Variants in MBTPS1 observed in about 807,000 individuals in gnomAD.
The protein encoded by MBTPS1 is membrane bound transcription factor peptidase, site 1, also known as membrane-bound transcription factor site-1 protease.
Under a neutral mutation model 127.8 loss-of-function variants are expected in MBTPS1, and 94 were observed. The ratio of observed to expected loss-of-function variants is 0.74; its 90% CI spans 0.62 to 0.87. The LOEUF (loss-of-function observed/expected upper bound fraction) is 0.87, where lower values mean the gene tolerates loss of function less well. MBTPS1 is among the 40% of genes least tolerant of loss of function. MBTPS1 has a pLI of 0.00. For synonymous variants in MBTPS1, 632 were observed against 509.4 expected, an observed-to-expected ratio of 1.24 and a Z score of -3.24; for missense variants, 1,636 against 1,353.2, an observed-to-expected ratio of 1.21 and a Z score of -3.28.
rs762860740 is a variant in MBTPS1 at position 84,099,336 on chromosome 16, A to G, written c.164-26T>C. On this transcript the variant is annotated intron_variant, in intron 2 of 22. Transcript: ENST00000343411. ...CTGAAACCAATCACCACAAACAAAA[A>G]TAAGATTTACGCACATACATTATAA... 1.9e-6 allele frequency: 3 copies of G among 1,608,566 alleles called. No individual in the cohort carries two copies. The African/African-American group carries it at 4.0e-5, about 22-fold the overall frequency.
chr16:84,115,744 T>A (rs1312915296), intron 1 of MBTPS1, among the ~76,000 whole-genome samples: 2 of 152,182 alleles, frequency 1.3e-5, no homozygotes, highest in Non-Finnish European at 2.9e-5. Context: ...GGGCATTGAC[T>A]ACAACTGGGC....
chr16:84,056,387 G>C, intron 21 of MBTPS1: 1 of 382,416 alleles, frequency 2.6e-6, no homozygotes, highest in Non-Finnish European at 4.8e-6. Flanking sequence ...TGACCAGCAG[G>C]AGCCTGTTTT....
intron 6 of MBTPS1, 88 bp downstream of exon 6, chr16:84,093,099 CT>C: frequency 1.1e-6 from 1 of 896,090 alleles, no homozygotes; most frequent in East Asian, 2.4e-5. Context: ...ACGTGCACTC[CT>C]TTTACACAAG....
intron 1 of MBTPS1, among the ~76,000 whole-genome samples, chr16:84,103,017 C>T (rs3785028): frequency 0.27 from 40,413 of 152,000 alleles, 5,521 homozygotes; most frequent in African/African-American, 0.32. Context: ...AAAAATGTCA[C>T]CTGAATATTA....
chr16:84,076,923 C>T (rs2085862029), intron 11 of MBTPS1, among the ~76,000 whole-genome samples: 1 of 152,066 alleles, frequency 6.6e-6, no homozygotes, highest in Admixed American at 6.5e-5. Context: ...AGAAAACAAA[C>T]ATGCAAGAAT....
chr16:84,105,599 G>C (rs2086312645), intron 1 of MBTPS1, among the ~76,000 whole-genome samples: 1 of 152,194 alleles, frequency 6.6e-6, no homozygotes. Context: ...GGAAGACACA[G>C]ATGTGCACAA....
chr16:84,072,969 G>C (rs1467904469), intron 12 of MBTPS1, among the ~76,000 whole-genome samples: 1 of 152,020 alleles, frequency 6.6e-6, no homozygotes, highest in African/African-American at 2.4e-5. Context: ...TTTATGTTAA[G>C]GAAATAATTC....
At chr16:84,110,993 A>C (rs1173423687) in intron 1 of MBTPS1, 1 of 152,292 alleles carries the variant, frequency 6.6e-6, no homozygotes, top group East Asian at 1.9e-4. Context: ...AACGCCACGC[A>C]GCAATTTCAA....
intron 20 of MBTPS1, chr16:84,060,305 G>T (rs766379765): frequency 4.1e-5 from 7 of 170,314 alleles, no homozygotes; most frequent in Non-Finnish European, 6.3e-5. Context: ...GGTAATCCAT[G>T]GGAGCATCCC....
At chr16:84,113,138 C>CCAG (rs1324854710) in intron 1 of MBTPS1, among the ~76,000 whole-genome samples, 1 of 152,110 alleles carries the variant, frequency 6.6e-6, no homozygotes, top group East Asian at 1.9e-4. Context: ...CAGCTACTTG[C>CCAG]CAGCCTAAGG....
At chr16:84,081,108 A>G (rs1305176679) in intron 11 of MBTPS1, among the ~76,000 whole-genome samples, 1 of 152,250 alleles carries the variant, frequency 6.6e-6, no homozygotes, top group Non-Finnish European at 1.5e-5. Context: ...GCAGTGCTAC[A>G]TCAAGGTTCA....
At chr16:84,063,233 C>G in intron 19 of MBTPS1, 72 bp downstream of exon 19, 1 of 1,515,194 alleles carries the variant, frequency 6.6e-7, no homozygotes, top group Non-Finnish European at 9.1e-7. Context: ...ATCTCACGGG[C>G]GCCTTTCCAG....
intron 1 of MBTPS1, among the ~76,000 whole-genome samples, chr16:84,106,760 C>A (rs1216732466): frequency 6.6e-6 from 1 of 152,204 alleles, no homozygotes; most frequent in Admixed American, 6.5e-5. Flanking sequence ...CAGGGAGCAT[C>A]TGGAGGACTT....
chr16:84,063,865 T>A (rs1012890836), intron 18 of MBTPS1, among the ~76,000 whole-genome samples: 1 of 152,206 alleles, frequency 6.6e-6, no homozygotes, highest in Non-Finnish European at 1.5e-5. Context: ...TCTCTATGAA[T>A]ACAGTCATAT....
At chr16:84,099,373 T>G (rs977144813) in intron 2 of MBTPS1, 63 bp from the exon 3 acceptor site, 1 of 1,484,774 alleles carries the variant, frequency 6.7e-7, no homozygotes, top group Non-Finnish European at 9.1e-7. Context: ...ATATACTATA[T>G]TGTATCTAAT....
At chr16:84,092,486 A>G (rs2086123140) in intron 6 of MBTPS1, among the ~76,000 whole-genome samples, 2 of 152,200 alleles carry the variant, frequency 1.3e-5, no homozygotes, top group South Asian at 2.1e-4. Context: ...ATTTTCTCAT[A>G]TACACCAAAG....
chr16:84,063,167 G>C, intron 19 of MBTPS1, 138 bp downstream of exon 19: 1 of 847,546 alleles, frequency 1.2e-6, no homozygotes, highest in East Asian at 2.5e-5. Context: ...CAAAGTGACT[G>C]CAACATCTCC....
In MBTPS1 at chr16:84,091,920, T is replaced by C. The variant is rs77381640; in HGVS notation, c.847-72A>G. ...AAAGTGCTAGGACAGTTTTTATTTCTAAGGCTCTTTTAAAATTACAAGTAG... is the reference window on the plus strand; with the variant it reads ...AAAGTGCTAGGACAGTTTTTATTTCCAAGGCTCTTTTAAAATTACAAGTAG... On this transcript the variant is annotated intron_variant, in intron 6 of 22. Transcript: ENST00000343411. The C allele has an allele frequency of 1.6e-5, 14 of 869,486 alleles. No homozygotes were observed. In the African/African-American group the frequency reaches 2.2e-4, roughly 14 times the overall value. 53.9% of individuals were successfully genotyped at this position (869,486 alleles called of 1,614,324 possible). A position where few individuals can be genotyped will look rare whatever the true frequency, so the allele number is the denominator to read the frequency against.
chr16:84,073,036 ACTAC>A (rs2085795773), intron 12 of MBTPS1, among the ~76,000 whole-genome samples: 1 of 152,246 alleles, frequency 6.6e-6, no homozygotes, highest in African/African-American at 2.4e-5. Flanking sequence ...ATAATTGAAA[ACTAC>A]CTAACAGTTC....
Sources: allele counts gnomAD v4.1 joint callset (sites outside exome capture counted in the v4.1 genomes callset), GRCh38; gene constraint gnomAD v4.1.1; transcripts MANE v1.5; gene names NCBI Gene and HGNC (gene_info 2026-07-23, HGNC 2026-07-21).